Variants in SLC9C2 observed in about 807,000 individuals in gnomAD.
SLC9C2 encodes the protein solute carrier family 9 member C2 (putative), also known as sodium/hydrogen exchanger 11.
A neutral mutation model predicts 140.2 loss-of-function variants in SLC9C2; 75 were observed. The ratio of observed to expected loss-of-function variants is 0.53; its 90% CI spans 0.44 to 0.65. SLC9C2 has a LOEUF of 0.65. Among genes scored for constraint, SLC9C2 ranks in the 30% least tolerant of loss-of-function variants. SLC9C2 has a pLI of 0.00. For missense variants in SLC9C2, 1,074 were observed against 1,331.8 expected, an observed-to-expected ratio of 0.81 and a Z score of 3.01; for synonymous variants, 375 against 420.9, an observed-to-expected ratio of 0.89 and a Z score of 1.34.
chr1:173,510,428 T>C (rs965800437), intron 23 of SLC9C2, among the ~76,000 whole-genome samples: 1 of 152,160 alleles, frequency 6.6e-6, no homozygotes, highest in East Asian at 1.9e-4. Flanking sequence ...CAACATGTCA[T>C]CTAAGTTTTA....
chr1:173,509,028 T>TC (rs1491366188), intron 24 of SLC9C2, among the ~76,000 whole-genome samples: 1 of 152,094 alleles, frequency 6.6e-6, no homozygotes, highest in African/African-American at 2.4e-5. Context: ...AAATCTACCT[T>TC]CTTTTTTTTT....
chr1:173,531,851 C>T (rs970139680), intron 17 of SLC9C2, among the ~76,000 whole-genome samples: 6 of 152,156 alleles, frequency 3.9e-5, no homozygotes, highest in African/African-American at 7.2e-5. Flanking sequence ...TACCTGCATA[C>T]GATTTCTGTA....
intron 9 of SLC9C2, among the ~76,000 whole-genome samples, chr1:173,564,825 G>A (rs148646016): frequency 0.011 from 1,601 of 151,248 alleles, 120 homozygotes; most frequent in Admixed American, 0.099. Context: ...TTTTAGTAGA[G>A]ACAGGGTTTT....
rs1571413012 is a variant in SLC9C2, at chr1:173,503,794, T to C, written c.3311-468A>G. 2.0e-5 allele frequency among the ~76,000 whole-genome samples: 3 copies of C among 152,196 alleles called. No individual in the cohort carries two copies. In the East Asian group the frequency reaches 5.8e-4, roughly 29 times the overall value. Reference sequence around the variant, plus strand: ...TTTTAAAATTTTAAAAGAAAACAAGTGACTCTTAAACAAATTAAGAGTCAA... The same window carrying C: ...TTTTAAAATTTTAAAAGAAAACAAGCGACTCTTAAACAAATTAAGAGTCAA... On this transcript the variant is annotated intron_variant, in intron 26 of 27. Transcript: ENST00000367714.
intron 11 of SLC9C2, 117 bp from the exon 12 acceptor site, chr1:173,548,669 GT>G: frequency 9.2e-7 from 1 of 1,087,286 alleles, no homozygotes; most frequent in Non-Finnish European, 1.3e-6. Flanking sequence ...AACCAGAGTG[GT>G]TAGAGCAAGG....
chr1:173,567,543 G>A (rs1664554322), intron 9 of SLC9C2, among the ~76,000 whole-genome samples: 1 of 151,974 alleles, frequency 6.6e-6, no homozygotes, highest in African/African-American at 2.4e-5. Flanking sequence ...CAGTCTATAT[G>A]TATCTTTATA....
Position 173,557,395 on chromosome 1 carries a change from A to G in SLC9C2, c.1160T>C (p.Leu387Pro), listed in dbSNP as rs754140180. 1 of 1,614,024 alleles carries G rather than the reference A, an allele frequency of 6.2e-7. No homozygotes were observed. The highest frequency in any genetic ancestry group is 1.1e-5 in the South Asian group (1 of 91,062). Residue 387 changes from leucine to proline, a missense_variant, in exon 10 of 28, where the codon CTC (leucine) becomes CCC (proline). Physicochemically the swap from Leu to Pro is moderately conservative, Grantham distance 98. Transcript: ENST00000367714. ...WSGIKGVFNLLWAPDVYNLAE... is the reference protein window; with the variant it reads ...WSGIKGVFNLPWAPDVYNLAE... ...GAGATTATAAACATCAGGAGCCCAG[A>G]GTAAATTAAAAACTCCTTTAATTCC...
In SLC9C2 at chr1:173,587,712, A is replaced by C. The variant is rs1446942898; in HGVS notation, c.476T>G (p.Leu159Arg). ...LQSCLLFSIT[L>R]GIIDPLRSVN... is the part of the protein sequence containing the mutation. ...AGAACGAAGAGGATCTATAATGCCA[A>C]GGGTGATGCTAAAGAGTAGGCAAGA... is the stretch of plus-strand genomic sequence containing the variant. The change falls in exon 5 of 28, where the codon CTT becomes CGT. Residue 159 changes from leucine (L) to arginine (R), a missense_variant. Transcript: ENST00000367714. 1 of 1,613,434 alleles carries C rather than the reference A, an allele frequency of 6.2e-7. No homozygotes were observed. The highest frequency in any genetic ancestry group is 1.3e-5 in the African/African-American group (1 of 74,906).
chr1:173,506,979 A>C lies in SLC9C2; in HGVS notation c.3102T>G (p.Tyr1034Ter). 3 of 1,612,300 alleles carry C rather than the reference A, an allele frequency of 1.9e-6. No homozygotes were observed. Among genetic ancestry groups the C allele is most frequent in the Non-Finnish European group, 2.5e-6 (3 of 1,179,404 alleles). Residue 1034 changes from tyrosine to a stop codon, truncating the protein, a stop_gained, in exon 25 of 28, where the codon TAT (tyrosine) becomes TAG (stop). Coordinates refer to ENST00000367714, the MANE Select transcript of SLC9C2 (RefSeq NM_178527.4). LOFTEE classifies it high-confidence loss of function. ...NQAYVETLSSYSDMIIDNMTM... is the reference protein window; with the variant it reads ...NQAYVETLSS Reference sequence around the variant, plus strand: ...TCATATTATCAATAATCATGTCACTATAGCTTGATAAAGTTTCCACATATG... The same window carrying C: ...TCATATTATCAATAATCATGTCACTCTAGCTTGATAAAGTTTCCACATATG...
At chr1:173,550,077 C>T (rs1232062755) in intron 11 of SLC9C2, among the ~76,000 whole-genome samples, 1 of 152,174 alleles carries the variant, frequency 6.6e-6, no homozygotes, top group Non-Finnish European at 1.5e-5. Context: ...TGAGCTTTTG[C>T]CAATCCAAGC....
intron 3 of SLC9C2, 142 bp downstream of exon 3, chr1:173,599,975 C>T: frequency 3.8e-6 from 2 of 523,632 alleles, no homozygotes; most frequent in Non-Finnish European, 6.8e-6. Context: ...GGTTATTTTC[C>T]AAATTTTTTA....
chr1:173,500,862 A>C lies in SLC9C2; in HGVS notation c.*232T>G, dbSNP rs1571405943. 4 of 319,954 alleles carry C rather than the reference A, an allele frequency of 1.3e-5. No individual in the cohort carries two copies. The highest frequency in any genetic ancestry group is 8.0e-4 in the Middle Eastern group (1 of 1,250). The allele number at this position is 319,954 out of a possible 1,614,324, so 19.8% of individuals were successfully genotyped here. A position where few individuals can be genotyped will look rare whatever the true frequency, so the allele number is the denominator to read the frequency against. ...CAGTGTATTTTATATTATCCTGAAG[A>C]CTTTTTTAACATCCCAAATATAATG... On this transcript the variant is annotated 3_prime_UTR_variant, in exon 28 of 28. Coordinates refer to ENST00000367714, the MANE Select transcript of SLC9C2 (RefSeq NM_178527.4).
chr1:173,506,816 C>G (rs745740494), intron 25 of SLC9C2, 40 bp downstream of exon 25: 18 of 1,539,672 alleles, frequency 1.2e-5, no homozygotes, highest in Non-Finnish European at 1.5e-5. Context: ...TTTGGAGCAC[C>G]GTGAAGAGCA....
At position 173,534,531 on chromosome 1, in the gene SLC9C2, T is replaced by G; in HGVS notation, c.1927A>C (p.Ile643Leu). 6.3e-7 allele frequency: 1 copy of G among 1,591,934 alleles called. No individual in the cohort carries two copies. Among genetic ancestry groups the G allele is most frequent in the Non-Finnish European group, 8.5e-7 (1 of 1,172,180 alleles). The change falls in exon 16 of 28, where the codon ATA becomes CTA. Residue 643 changes from isoleucine to leucine, a missense_variant. By Grantham distance (5) the Ile-to-Leu change is conservative. Transcript: ENST00000367714. ...TATAAAAACATAAAATAGTAGTTTA[T>G]TGATATCAGTGCTGATACATTTAAA... ...RGLNVSALISINYYFMFLYVL... is the reference protein window; with the variant it reads ...RGLNVSALISLNYYFMFLYVL...
intron 4 of SLC9C2, among the ~76,000 whole-genome samples, chr1:173,594,474 G>A (rs1389114150): frequency 3.3e-5 from 5 of 152,110 alleles, no homozygotes; most frequent in Admixed American, 2.0e-4. Flanking sequence ...AGCTGCTAGA[G>A]CAAAAATTCA....
chr1:173,524,705 TCCC>T lies in SLC9C2; in HGVS notation c.2514+71_2514+73del. 6 of 1,515,706 alleles carry T rather than the reference TCCC, an allele frequency of 4.0e-6. No homozygotes were observed. In the Admixed American group the frequency reaches 7.8e-5, roughly 20 times the overall value. 93.9% of individuals were successfully genotyped at this position (1,515,706 alleles called of 1,614,324 possible). ...CTGTGGTTAAACAATTTTTTCAATC[TCCC>T]TCCTTATTACACACTGCTAAAGTAA... On this transcript the variant is annotated intron_variant, in intron 20 of 27. Coordinates refer to ENST00000367714, the MANE Select transcript of SLC9C2 (RefSeq NM_178527.4).
intron 10 of SLC9C2, among the ~76,000 whole-genome samples, chr1:173,555,975 T>G (rs990133353): frequency 1.3e-5 from 2 of 152,238 alleles, no homozygotes; most frequent in Non-Finnish European, 2.9e-5. Flanking sequence ...AAATAAATAC[T>G]GTACTCCTTG....
At chr1:173,576,874 T>C (rs1571600380) in intron 7 of SLC9C2, 114 bp from the exon 8 acceptor site, 4 of 720,506 alleles carry the variant, frequency 5.6e-6, no homozygotes, top group South Asian at 2.0e-5. Flanking sequence ...TAGTAGTTCT[T>C]AGAAGGTTGC....
intron 4 of SLC9C2, among the ~76,000 whole-genome samples, chr1:173,588,456 T>G (rs1665980631): frequency 6.6e-6 from 1 of 152,252 alleles, no homozygotes; most frequent in South Asian, 2.1e-4. Context: ...TCTCTGTCTT[T>G]TGTTTTACTT....
Sources: allele counts gnomAD v4.1 joint callset (sites outside exome capture counted in the v4.1 genomes callset), GRCh38; gene constraint gnomAD v4.1.1; transcripts MANE v1.5; gene names NCBI Gene and HGNC (gene_info 2026-07-23, HGNC 2026-07-21).